CHAT: variants seen among roughly 807,000 people sequenced by gnomAD.
The protein encoded by CHAT is choline O-acetyltransferase.
A neutral mutation model predicts 76.9 loss-of-function variants in CHAT; 61 were observed. The observed-to-expected ratio is 0.79, with a 90% CI of 0.65 to 0.98. The LOEUF (loss-of-function observed/expected upper bound fraction) is 0.98, where lower values mean the gene tolerates loss of function less well. Among genes scored for constraint, CHAT ranks in the 50% least tolerant of loss-of-function variants. CHAT has a pLI of 0.00. For synonymous variants in CHAT, 407 were observed against 397.4 expected, an observed-to-expected ratio of 1.02 and a Z score of -0.29; for missense variants, 946 against 986.9, an observed-to-expected ratio of 0.96 and a Z score of 0.56.
intron 2 of CHAT, among the ~76,000 whole-genome samples, 176 bp from the exon 3 acceptor site, chr10:49,619,549 C>T (rs928613635): frequency 1.3e-5 from 2 of 152,102 alleles, no homozygotes; most frequent in Non-Finnish European, 2.9e-5. Context: ...AGGTCAGGGA[C>T]GCCAAACAGG....
rs778178080 is a variant in CHAT at position 49,627,624 on chromosome 10, T to C, written c.950T>C (p.Val317Ala). The C allele has an allele frequency of 7.4e-6, 12 of 1,614,122 alleles. No individual in the cohort carries two copies. The East Asian group carries it at 2.2e-4, about 30-fold the overall frequency. ...ACCCCACAGTTCTTTGTCTTGGATGTTGTCATTAATTTCCGCCGTCTCAGT... is the reference window on the plus strand; with the variant it reads ...ACCCCACAGTTCTTTGTCTTGGATGCTGTCATTAATTTCCGCCGTCTCAGT... The part of the protein sequence containing the change: ...ACCNQFFVLD[V>A]VINFRRLSEG... Residue 317 changes from valine to alanine, a missense_variant, in exon 7 of 15, where the codon GTT becomes GCT. Around this residue, in one of 3 missense-constraint regions of CHAT, gnomAD observed 548 missense variants for 516.2 expected, o/e 1.06. Coordinates refer to ENST00000337653, the MANE Select transcript of CHAT (RefSeq NM_020549.5).
At chr10:49,632,024 T>C (rs1201884262) in intron 7 of CHAT, among the ~76,000 whole-genome samples, 1 of 149,638 alleles carries the variant, frequency 6.7e-6, no homozygotes, top group East Asian at 2.0e-4. Flanking sequence ...GGAGGGGGAG[T>C]TGTTTAGAAG....
chr10:49,620,621 C>G lies in CHAT; in HGVS notation c.698+8C>G. ...CACCGATGACCAGCTGAGGTGAGGC[C>G]TTGGTGCTCCTAGCTCATAACCTGG... On this transcript the variant is annotated splice_region_variant and intron_variant, in intron 4 of 14. Coordinates refer to ENST00000337653, the MANE Select transcript of CHAT (RefSeq NM_020549.5). 6.3e-7 allele frequency: 1 copy of G among 1,599,616 alleles called. No homozygotes were observed. Among genetic ancestry groups the G allele is most frequent in the Non-Finnish European group, 8.6e-7 (1 of 1,167,278 alleles).
At chr10:49,617,748 C>T (rs1033924555) in intron 2 of CHAT, among the ~76,000 whole-genome samples, 5 of 152,104 alleles carry the variant, frequency 3.3e-5, no homozygotes, top group African/African-American at 4.8e-5. Context: ...CCCCCCCCAC[C>T]GCAAGAGATG....
At chr10:49,654,635 A>G (rs72795721) in intron 11 of CHAT, among the ~76,000 whole-genome samples, 35 of 152,362 alleles carry the variant, frequency 2.3e-4, no homozygotes, top group Non-Finnish European at 4.7e-4. Flanking sequence ...GAGGGCCTGG[A>G]CAGCCGTTTA....
At position 49,667,675 on chromosome 10, in the gene CHAT, A is replaced by T. The variant is rs906741673; in HGVS notation, c.*2629A>T. ...GATGGAAAACAAGACAGTCATTTGG[A>T]ACAGTGATGCATAATAAAATGTATG... On this transcript the variant is annotated 3_prime_UTR_variant, in exon 15 of 15. Coordinates refer to ENST00000337653, the MANE Select transcript of CHAT (RefSeq NM_020549.5). Among the ~76,000 whole-genome samples the T allele has an allele frequency of 6.6e-6, 1 of 152,250 alleles. No homozygotes were observed. Among genetic ancestry groups the T allele is most frequent in the African/African-American group, 2.4e-5 (1 of 41,472 alleles).
At chr10:49,611,699 T>A (rs1428480896), upstream of CHAT, 1 of 1,609,338 alleles carries the variant, frequency 6.2e-7, no homozygotes, top group East Asian at 2.2e-5. Context: ...AAGCATACGA[T>A]GGCGGCTTCC....
chr10:49,613,440 A>G (rs1443942908), upstream of CHAT, among the ~76,000 whole-genome samples: 2 of 152,196 alleles, frequency 1.3e-5, no homozygotes, highest in African/African-American at 4.8e-5. Flanking sequence ...GCCTCAAGCC[A>G]GCGTTCGCGC....
At chr10:49,614,935 C>T (rs1838430356) in intron 1 of CHAT, among the ~76,000 whole-genome samples, 1 of 152,234 alleles carries the variant, frequency 6.6e-6, no homozygotes, top group Admixed American at 6.5e-5. Flanking sequence ...GGGGTTGGAC[C>T]TTCGGGGCAG....
At chr10:49,653,615 G>A (rs1191882045) in intron 11 of CHAT, among the ~76,000 whole-genome samples, 1 of 152,220 alleles carries the variant, frequency 6.6e-6, no homozygotes, top group African/African-American at 2.4e-5. Flanking sequence ...CGGACACCTT[G>A]GGGAAGGCCG....
At chr10:49,641,706 G>C (rs1263891039) in intron 7 of CHAT, among the ~76,000 whole-genome samples, 1 of 152,132 alleles carries the variant, frequency 6.6e-6, no homozygotes, top group African/African-American at 2.4e-5. Context: ...GAAGGTCTAA[G>C]CCCCTGAGAA....
rs185641260 is a variant in CHAT, at chr10:49,623,195, A to G, written c.752+1045A>G. ...ATTTCCTCCCAGAACTCGCCCCTCC[A>G]GCTCACCGTCCTGTCTGTTTTCAAA... On this transcript the variant is annotated intron_variant, in intron 5 of 14. Coordinates refer to ENST00000337653, the MANE Select transcript of CHAT (RefSeq NM_020549.5). Among the ~76,000 whole-genome samples the G allele has an allele frequency of 2.1e-3, 323 of 152,140 alleles. 1 individual carries two copies. The highest frequency in any genetic ancestry group is 0.019 in the South Asian group (90 of 4,804).
intron 10 of CHAT, among the ~76,000 whole-genome samples, chr10:49,651,012 C>T (rs1323780674): frequency 6.6e-6 from 1 of 152,046 alleles, no homozygotes; most frequent in Non-Finnish European, 1.5e-5. Context: ...CAGCTCCACC[C>T]TCCAGAGGCT....
intron 8 of CHAT, chr10:49,647,246 A>G (rs892338223): frequency 1.9e-5 from 3 of 160,058 alleles, no homozygotes; most frequent in Non-Finnish European, 2.8e-5. Flanking sequence ...TTTACATGAC[A>G]TCAGCCTAGA....
At position 49,619,715 on chromosome 10, in the gene CHAT, T is replaced by C. The variant is rs758060324; in HGVS notation, c.388-10T>C. 2 of 1,608,594 alleles carry C rather than the reference T, an allele frequency of 1.2e-6. No individual in the cohort carries two copies. The highest frequency in any genetic ancestry group is 1.7e-6 in the Non-Finnish European group (2 of 1,179,856). On this transcript the variant is annotated splice_polypyrimidine_tract_variant and intron_variant, in intron 2 of 14. Transcript: ENST00000337653. ...CTAGAGGCACAATGCCTATGAACCC[T>C]TTCTTCCAGGGGCTGCCCAAACTGC...
intron 7 of CHAT, among the ~76,000 whole-genome samples, chr10:49,631,680 G>A (rs370903521): frequency 2.7e-4 from 41 of 152,340 alleles, no homozygotes; most frequent in African/African-American, 9.9e-4. Flanking sequence ...TGTGGTCAGA[G>A]TGTGGGATGC....
chr10:49,660,245 C>T (rs1344462628), intron 13 of CHAT, among the ~76,000 whole-genome samples: 1 of 152,042 alleles, frequency 6.6e-6, no homozygotes, highest in Non-Finnish European at 1.5e-5. Flanking sequence ...TCGAGACCAT[C>T]CTGGCTGACA....
chr10:49,637,598 C>G (rs1001735383), intron 7 of CHAT: 2 of 152,708 alleles, frequency 1.3e-5, no homozygotes, highest in African/African-American at 4.8e-5. Flanking sequence ...CCTTGCTTCC[C>G]CTTCGCGTTC....
rs1319866298 is a variant in CHAT at position 49,649,561 on chromosome 10, C to A, written c.1436C>A (p.Ala479Asp). 6.2e-7 allele frequency: 1 copy of A among 1,613,814 alleles called. No individual in the cohort carries two copies. The highest frequency in any genetic ancestry group is 1.7e-5 in the Admixed American group (1 of 60,026). Residue 479 changes from alanine to aspartate, a missense_variant, in exon 10 of 15, where the codon GCC becomes GAC. Transcript: ENST00000337653. ...IRADSVSELP[A>D]PRRLRWKCSP... ...GCAGACTCCGTCAGCGAGCTCCCCG[C>A]CCCCCGGAGGCTGCGGTGGAAATGC...
Sources: allele counts gnomAD v4.1 joint callset (sites outside exome capture counted in the v4.1 genomes callset), GRCh38; gene constraint gnomAD v4.1.1; regional missense constraint gnomAD v4.1.1; transcripts MANE v1.5; gene names NCBI Gene and HGNC (gene_info 2026-07-23, HGNC 2026-07-21).